The following CPT2 variants were observed in gnomAD, a reference collection of about 807,000 sequenced individuals.
CPT2 encodes carnitine O-palmitoyltransferase 2, mitochondrial.
In CPT2, 37 loss-of-function variants were observed where a neutral mutation model predicts 48.6. The ratio of observed to expected loss-of-function variants is 0.76; its 90% confidence interval spans 0.59 to 1.00. The LOEUF is 1.00. Among genes scored for constraint, CPT2 ranks in the 50% least tolerant of loss-of-function variants. The probability of loss-of-function intolerance (pLI) is 0.00; values close to 1 mark genes in which losing one functional copy is unlikely to be tolerated. For synonymous variants in CPT2, 319 were observed against 326.9 expected (o/e 0.98, Z 0.26); for missense variants, 772 against 825.6 (o/e 0.94, Z 0.80).
At chr1:53,198,381 C>G (rs1035570522) in intron 1 of CPT2, among the ~76,000 whole-genome samples, 16 of 152,238 alleles carry the variant, frequency 1.1e-4, no homozygotes, top group Non-Finnish European at 1.5e-4. Flanking sequence ...CCCTCACCCT[C>G]TCAGGAGGAT....
chr1:53,199,742 A>G (rs750059473), intron 1 of CPT2: 3 of 152,222 alleles, frequency 2.0e-5, no homozygotes, highest in Non-Finnish European at 2.9e-5. Flanking sequence ...AGTGCAGTCT[A>G]AGTCCATAAT....
At chr1:53,197,934 C>T (rs1312583156) in intron 1 of CPT2, among the ~76,000 whole-genome samples, 4 of 152,134 alleles carry the variant, frequency 2.6e-5, no homozygotes, top group Admixed American at 1.3e-4. Flanking sequence ...ACTGGCTACC[C>T]TGCCTTCGAA....
At chr1:53,211,847 T>C (rs1645430619) in intron 4 of CPT2, among the ~76,000 whole-genome samples, 2 of 151,776 alleles carry the variant, frequency 1.3e-5, no homozygotes, top group South Asian at 4.2e-4. Context: ...GATCCATCCC[T>C]CTCAGCCTCC....
chr1:53,213,503 C>G lies in CPT2; in HGVS notation c.1885C>G (p.Pro629Ala), dbSNP rs1038483817. 1 of 1,614,224 alleles carries G rather than the reference C, an allele frequency of 6.2e-7. No individual in the cohort carries two copies. The highest frequency in any genetic ancestry group is 8.5e-7 in the Non-Finnish European group (1 of 1,180,042). Residue 629 changes from proline (P) to alanine (A), a missense_variant, in exon 5 of 5, where the codon CCA (proline) becomes GCA (alanine). Physicochemically the swap from Pro to Ala is conservative, Grantham distance 27. Transcript: ENST00000371486. Reference protein sequence around the residue: ...NWIGCNVSSYPGRNAREFLQC... With the variant: ...NWIGCNVSSYAGRNAREFLQC... ...GATAGGCTGCAATGTCTCTTCCTAC[C>G]CAGGCCGCAATGCCCGGGAGTTTCT...
At position 53,210,216 on chromosome 1, in the gene CPT2, C is replaced by A; in HGVS notation, c.542C>A (p.Ala181Glu). The change falls in exon 4 of 5, where the codon GCA becomes GAA. Residue 181 changes from alanine to glutamate, a missense_variant. Physicochemically the swap from Ala to Glu is moderately radical, Grantham distance 107. Coordinates refer to ENST00000371486, the MANE Select transcript of CPT2 (RefSeq NM_000098.3). ...LEPEVFHLNP[A>E]KSDTITFKRL... ...CCAGAAGTGTTCCACTTGAACCCTG[C>A]AAAAAGTGACACTATCACCTTCAAG... is the stretch of plus-strand genomic sequence containing the variant. 1 of 1,614,032 alleles carries A rather than the reference C, an allele frequency of 6.2e-7. No individual in the cohort carries two copies. The highest frequency in any genetic ancestry group is 8.5e-7 in the Non-Finnish European group (1 of 1,179,932).
intron 3 of CPT2, chr1:53,203,452 T>C (rs1423118256): frequency 6.6e-6 from 1 of 152,248 alleles, no homozygotes; most frequent in African/African-American, 2.4e-5. Flanking sequence ...ACTTTTTGTT[T>C]TCTCTGAAGT....
At chr1:53,204,817 C>G (rs938542498) in intron 3 of CPT2, among the ~76,000 whole-genome samples, 1 of 152,228 alleles carries the variant, frequency 6.6e-6, no homozygotes, top group Non-Finnish European at 1.5e-5. Flanking sequence ...AGTTCCCCCA[C>G]TTGTTCGCTT....
rs1342928062 is a variant in CPT2 at position 53,197,028 on chromosome 1, T to G, written c.85T>G (p.Ser29Ala). The G allele has an allele frequency of 1.3e-6, 2 of 1,536,312 alleles. No homozygotes were observed. Among genetic ancestry groups the G allele is most frequent in the African/African-American group, 2.8e-5 (2 of 72,566 alleles). Residue 29 changes from serine to alanine, a missense_variant, in exon 1 of 5, where the codon TCC (serine) becomes GCC (alanine). Coordinates refer to ENST00000371486, the MANE Select transcript of CPT2 (RefSeq NM_000098.3). ...GAPSRPLSAGSGPGQYLQRSI... is the reference protein window; with the variant it reads ...GAPSRPLSAGAGPGQYLQRSI... ...CCCCAGTCGGCCCCTCAGCGCCGGC[T>G]CCGGGCCCGGCCAGTACCTGCAGCG...
At chr1:53,202,228 G>C (rs1240085420) in intron 2 of CPT2, 95 bp from the exon 3 acceptor site, 17 of 911,694 alleles carry the variant, frequency 1.9e-5, no homozygotes, top group Non-Finnish European at 3.1e-5. Context: ...TATGCTGTTG[G>C]GGACCCAAAA....
At position 53,210,497 on chromosome 1, in the gene CPT2, T is replaced by G; in HGVS notation, c.823T>G (p.Tyr275Asp). The G allele has an allele frequency of 1.2e-6, 2 of 1,614,090 alleles. No homozygotes were observed. Among genetic ancestry groups the G allele is most frequent in the Non-Finnish European group, 1.7e-6 (2 of 1,180,022 alleles). The change falls in exon 4 of 5, where the codon TAC (tyrosine) becomes GAC (aspartate). Residue 275 changes from tyrosine to aspartate, a missense_variant. Physicochemically the swap from Tyr to Asp is radical, Grantham distance 160. Coordinates refer to ENST00000371486, the MANE Select transcript of CPT2 (RefSeq NM_000098.3). ...CTCGGAAATCCAGGCACATCTGAAG[T>G]ACATTCTCTCAGACAGCAGCCCCGC... Reference protein sequence around the residue: ...SPSEIQAHLKYILSDSSPAPE... With the variant: ...SPSEIQAHLKDILSDSSPAPE...
Position 53,211,741 on chromosome 1 carries a change from G to A in CPT2, c.1645+422G>A, listed in dbSNP as rs146628296. Among the ~76,000 whole-genome samples the A allele has an allele frequency of 4.0e-3, 602 of 151,058 alleles. 2 individuals carry two copies. Among genetic ancestry groups the A allele is most frequent in the Non-Finnish European group, 6.4e-3 (435 of 67,694 alleles). ...TGCCTCCCAAGTAGCTGGGATAATA[G>A]GCACCCGCCACTACACCTGGCTAGT... On this transcript the variant is annotated intron_variant, in intron 4 of 4. Coordinates refer to ENST00000371486, the MANE Select transcript of CPT2 (RefSeq NM_000098.3).
rs764557610 is a variant in CPT2, at chr1:53,210,472, C to T, written c.798C>T (p.Pro266=). The T allele has an allele frequency of 6.2e-7, 1 of 1,614,084 alleles. No homozygotes were observed. Among genetic ancestry groups the T allele is most frequent in the South Asian group, 1.1e-5 (1 of 91,078 alleles). The change falls in exon 4 of 5, where the codon CCC becomes CCT. Residue 266 remains proline (P), a synonymous_variant. Transcript: ENST00000371486. ...ATCAAGATGGGAACATTGTGAGCCC[C>T]TCGGAAATCCAGGCACATCTGAAGT... ...VLDQDGNIVS[P]SEIQAHLKYI... is the part of the protein sequence containing the mutation.
chr1:53,211,386 C>A, intron 4 of CPT2, 67 bp downstream of exon 4: 1 of 1,410,348 alleles, frequency 7.1e-7, no homozygotes, highest in South Asian at 1.2e-5. Context: ...AAGCCTAAAT[C>A]ATTCTACTCC....
Position 53,211,600 on chromosome 1 carries a change from C to CT in CPT2, c.1645+299dup, listed in dbSNP as rs112026378. The CT allele has an allele frequency of 0.03, 11,259 of 373,034 alleles. 57 individuals carry two copies. Among genetic ancestry groups the CT allele is most frequent in the African/African-American group, 0.047 (1,999 of 42,644 alleles). 23.1% of individuals were successfully genotyped at this position (373,034 alleles called of 1,614,324 possible). On this transcript the variant is annotated intron_variant, in intron 4 of 4. Coordinates refer to ENST00000371486, the MANE Select transcript of CPT2 (RefSeq NM_000098.3). ...GTGACGCATTAATTCTTTTTTCTTT[C>CT]TTTTTTTTTTTTTTTTTTGGAGACA...
intron 3 of CPT2, chr1:53,203,862 GC>G (rs1163170128): frequency 1.3e-5 from 2 of 151,290 alleles, no homozygotes; most frequent in East Asian, 3.9e-4. Flanking sequence ...TTTTAAAATG[GC>G]CCTTATACTT....
chr1:53,206,343 C>T (rs1401655751), intron 3 of CPT2, among the ~76,000 whole-genome samples: 2 of 152,228 alleles, frequency 1.3e-5, no homozygotes, highest in Non-Finnish European at 2.9e-5. Flanking sequence ...AGAGCCCCCA[C>T]ACAGAGTTCC....
At position 53,212,965 on chromosome 1, in the gene CPT2, CTT is replaced by C. The variant is rs1645439204; in HGVS notation, c.1646-297_1646-296del. 27 of 590,344 alleles carry C rather than the reference CTT, an allele frequency of 4.6e-5. No individual in the cohort carries two copies. In the South Asian group the frequency reaches 5.0e-4, roughly 11 times the overall value. The allele number at this position is 590,344 out of a possible 1,614,324, so 36.6% of individuals were successfully genotyped here. On this transcript the variant is annotated intron_variant, in intron 4 of 4. Transcript: ENST00000371486. ...GCTGTCTTCCTGTACTGTCTTGACT[CTT>C]TGACTAAACTGATTTCACATCTTTA... is the stretch of plus-strand genomic sequence containing the variant.
At chr1:53,209,981 C>T (rs760179780) in intron 3 of CPT2, 34 bp from the exon 4 acceptor site, 2 of 1,572,006 alleles carry the variant, frequency 1.3e-6, no homozygotes, top group South Asian at 1.1e-5. Context: ...ACAGCATTAA[C>T]ATTTTATGTT....
chr1:53,198,512 C>T (rs936951918), intron 1 of CPT2, among the ~76,000 whole-genome samples: 1 of 152,210 alleles, frequency 6.6e-6, no homozygotes, highest in African/African-American at 2.4e-5. Flanking sequence ...AAGCCTGGTA[C>T]ATGCTTCCAC....
Sources: gnomAD v4.1 joint callset for allele counts (sites outside exome capture counted in the v4.1 genomes callset) on GRCh38, gnomAD v4.1.1 for gene constraint, MANE v1.5 for transcripts, NCBI Gene and HGNC (gene_info 2026-07-23, HGNC 2026-07-21) for gene names.